The following ASTN2 variants were observed in gnomAD, a reference collection of about 807,000 sequenced individuals.
ASTN2 encodes the protein astrotactin 2.
ASTN2 carries 54 observed loss-of-function variants against 139.8 expected under a neutral mutation model. The observed-to-expected ratio is 0.39, with a 90% CI of 0.31 to 0.48. ASTN2 has a LOEUF of 0.48. Ranked by LOEUF, ASTN2 falls within the 20% of genes least tolerant of loss-of-function variation. The pLI, the probability that ASTN2 is intolerant of heterozygous loss-of-function variation, is 0.95. For synonymous variants in ASTN2, 756 were observed against 719.5 expected (o/e 1.05, Z -0.81); for missense variants, 1,565 against 1,725.1 (o/e 0.91, Z 1.64).
chr9:117,334,680 C>T (rs907161049), intron 1 of ASTN2, among the ~76,000 whole-genome samples: 2 of 152,100 alleles, frequency 1.3e-5, no homozygotes, highest in Non-Finnish European at 2.9e-5. Flanking sequence ...TCCTAAGAGC[C>T]TCCTGTGGCT....
At chr9:117,369,940 C>T (rs909620161) in intron 1 of ASTN2, among the ~76,000 whole-genome samples, 2 of 152,052 alleles carry the variant, frequency 1.3e-5, no homozygotes, top group African/African-American at 4.8e-5. Context: ...GCCCAGGTTG[C>T]CTCTTTATTA....
chr9:116,942,078 G>T (rs1042895447), intron 10 of ASTN2, among the ~76,000 whole-genome samples: 2 of 51,826 alleles, frequency 3.9e-5, no homozygotes, highest in African/African-American at 7.7e-5. Flanking sequence ...GCAAGTGCAC[G>T]TACGCACGCA....
At chr9:116,819,612 G>A (rs1325308382) in intron 12 of ASTN2, among the ~76,000 whole-genome samples, 1 of 152,152 alleles carries the variant, frequency 6.6e-6, no homozygotes, top group African/African-American at 2.4e-5. Context: ...GTGAAACACA[G>A]GACTGAAAAT....
At chr9:116,615,485 AC>A (rs1855796456) in intron 19 of ASTN2, among the ~76,000 whole-genome samples, 2 of 152,112 alleles carry the variant, frequency 1.3e-5, no homozygotes, top group Admixed American at 6.6e-5. Flanking sequence ...CAAATGTCCA[AC>A]AATGATAGAC....
chr9:117,134,266 T>TTATATATA lies in ASTN2; in HGVS notation c.1168+7052_1168+7059dup, dbSNP rs5900267. 2.8e-3 allele frequency among the ~76,000 whole-genome samples: 256 copies of TTATATATA among 92,422 alleles called. 2 individuals are homozygous for TTATATATA. Among genetic ancestry groups the TTATATATA allele is most frequent in the African/African-American group, 6.7e-3 (131 of 19,456 alleles). The allele number at this position is 92,422 out of a possible 152,430, so 60.6% of individuals were successfully genotyped here. On this transcript the variant is annotated intron_variant, in intron 4 of 22. Coordinates refer to ENST00000313400, the MANE Select transcript of ASTN2 (RefSeq NM_001365068.1). ...ATTCATGACCAGTTACTAATGAAAA[T>TTATATATA]TATATATATATATATATATATATAT...
chr9:116,817,371 C>T (rs1169810163), intron 12 of ASTN2, among the ~76,000 whole-genome samples: 3 of 152,058 alleles, frequency 2.0e-5, no homozygotes, highest in Admixed American at 1.3e-4. Context: ...ACACCTGATG[C>T]CTCTTAGGGC....
intron 1 of ASTN2, among the ~76,000 whole-genome samples, chr9:117,295,161 A>C (rs1834697913): frequency 6.6e-6 from 1 of 152,018 alleles, no homozygotes; most frequent in Non-Finnish European, 1.5e-5. Context: ...ATCTCTACTA[A>C]AAATACAAAA....
At position 117,199,685 on chromosome 9, in the gene ASTN2, T is replaced by C. The variant is rs117473036; in HGVS notation, c.1015+14673A>G. ...GTGAAGAATGTCAATGGTAGTTCGA[T>C]GGGAATAGCATTGAAGCTATAAATT... On this transcript the variant is annotated intron_variant, in intron 3 of 22. Coordinates refer to ENST00000313400, the MANE Select transcript of ASTN2 (RefSeq NM_001365068.1). 5.7e-3 allele frequency among the ~76,000 whole-genome samples: 870 copies of C among 152,216 alleles called. 3 individuals are homozygous for C. Among genetic ancestry groups the C allele is most frequent in the Non-Finnish European group, 0.01 (702 of 68,010 alleles).
chr9:117,040,083 G>GA, intron 5 of ASTN2, 118 bp from the exon 6 acceptor site: 4 of 1,219,460 alleles, frequency 3.3e-6, no homozygotes, highest in Non-Finnish European at 4.4e-6. Flanking sequence ...GAAAAGAAAA[G>GA]AAAAAAGACA....
chr9:117,157,197 C>T (rs1393582120), intron 3 of ASTN2, among the ~76,000 whole-genome samples: 1 of 151,996 alleles, frequency 6.6e-6, no homozygotes, highest in Non-Finnish European at 1.5e-5. Flanking sequence ...CACAGCCTCC[C>T]ACCTGTCTCT....
chr9:116,737,467 ATGTGTGTG>A lies in ASTN2; in HGVS notation c.2397-3952_2397-3945del, dbSNP rs72243746. On this transcript the variant is annotated intron_variant, in intron 13 of 22. Coordinates refer to ENST00000313400, the MANE Select transcript of ASTN2 (RefSeq NM_001365068.1). ...TTAGCGCTCGTGTGTGTGTGTGTGA[ATGTGTGTG>A]TGTGTGTGTGTGTGTGTGTGTAGTA... Among the ~76,000 whole-genome samples the A allele has an allele frequency of 9.7e-3, 1,441 of 148,262 alleles. 10 individuals are homozygous for A. Among genetic ancestry groups the A allele is most frequent in the African/African-American group, 0.021 (844 of 40,254 alleles).
At chr9:116,901,983 C>T (rs1834021673) in intron 10 of ASTN2, among the ~76,000 whole-genome samples, 3 of 152,162 alleles carry the variant, frequency 2.0e-5, no homozygotes, top group African/African-American at 7.2e-5. Flanking sequence ...CAAGATCATG[C>T]CACTGCACTC....
intron 1 of ASTN2, among the ~76,000 whole-genome samples, chr9:117,406,715 T>C (rs1831000256): frequency 1.3e-5 from 2 of 152,300 alleles, no homozygotes; most frequent in South Asian, 4.1e-4. Context: ...CATTCTATCC[T>C]ATTTAATATT....
intron 10 of ASTN2, among the ~76,000 whole-genome samples, chr9:116,905,915 T>A (rs950981017): frequency 1.3e-5 from 2 of 149,498 alleles, no homozygotes; most frequent in African/African-American, 4.9e-5. Flanking sequence ...GAGTCAGACA[T>A]CCTCATTCAG....
intron 7 of ASTN2, among the ~76,000 whole-genome samples, chr9:117,004,033 AT>A (rs1837284174): frequency 4.7e-5 from 1 of 21,300 alleles, no homozygotes; most frequent in Non-Finnish European, 3.6e-3. Flanking sequence ...AAATATCTTG[AT>A]TAAAAAAAAG....
intron 1 of ASTN2, among the ~76,000 whole-genome samples, chr9:117,308,918 C>G (rs1021264426): frequency 6.6e-6 from 1 of 152,102 alleles, no homozygotes; most frequent in Non-Finnish European, 1.5e-5. Context: ...CATGTGAAAA[C>G]TTGAGTGAAC....
chr9:116,834,515 G>A (rs559805770), intron 11 of ASTN2, among the ~76,000 whole-genome samples: 3 of 152,246 alleles, frequency 2.0e-5, no homozygotes, highest in Admixed American at 6.5e-5. Flanking sequence ...TGTCTTCATG[G>A]TAAATGATAT....
At position 116,425,020 on chromosome 9, in the gene ASTN2, A is replaced by T. The variant is rs948312459; in HGVS notation, c.*831T>A. ...TCATGCTCTAACAGTGAGTGCAAAGAACCTCCATTCTTCCTCTAGCACAGC... is the reference window on the plus strand; with the variant it reads ...TCATGCTCTAACAGTGAGTGCAAAGTACCTCCATTCTTCCTCTAGCACAGC... On this transcript the variant is annotated 3_prime_UTR_variant, in exon 23 of 23. Transcript: ENST00000313400. Among the ~76,000 whole-genome samples the T allele has an allele frequency of 5.3e-5, 8 of 152,158 alleles. No homozygotes were observed. Among genetic ancestry groups the T allele is most frequent in the Admixed American group, 2.0e-4 (3 of 15,272 alleles).
At chr9:117,341,284 C>A (rs1829054216) in intron 1 of ASTN2, among the ~76,000 whole-genome samples, 1 of 151,922 alleles carries the variant, frequency 6.6e-6, no homozygotes, top group Non-Finnish European at 1.5e-5. Flanking sequence ...CTGCATTTCT[C>A]TCTGTCATGG....
Sources: allele counts gnomAD v4.1 joint callset (sites outside exome capture counted in the v4.1 genomes callset), GRCh38; gene constraint gnomAD v4.1.1; transcripts MANE v1.5; gene names NCBI Gene and HGNC (gene_info 2026-07-23, HGNC 2026-07-21).